The following PDIA5 variants were observed in gnomAD, a reference collection of about 807,000 sequenced individuals.
The protein encoded by PDIA5 is protein disulfide-isomerase A5.
A neutral mutation model predicts 77.6 loss-of-function variants in PDIA5; 58 were observed. The ratio of observed to expected loss-of-function variants is 0.75; its 90% CI spans 0.61 to 0.93. PDIA5 has a LOEUF of 0.93. PDIA5 is among the 40% of genes least tolerant of loss of function. The probability of loss-of-function intolerance (pLI) is 0.00; values close to 1 mark genes in which losing one functional copy is unlikely to be tolerated. For synonymous variants in PDIA5, 250 were observed against 252.1 expected (o/e 0.99, Z 0.08); for missense variants, 630 against 647.7 (o/e 0.97, Z 0.30).
intron 11 of PDIA5, among the ~76,000 whole-genome samples, chr3:123,141,454 G>T (rs1368589330): frequency 5.3e-5 from 8 of 152,204 alleles, no homozygotes; most frequent in Non-Finnish European, 1.2e-4. Flanking sequence ...ACTTTGCATG[G>T]ACCACTCACA....
chr3:123,122,461 A>G lies in PDIA5; in HGVS notation c.610-1605A>G, dbSNP rs2107955751. On this transcript the variant is annotated intron_variant, in intron 8 of 16. Transcript: ENST00000316218. ...TGGGCTAGGAAAAAAAAAACAGTGA[A>G]TTTAGTGAGCATTTATTGTGTCCTT... is the stretch of plus-strand genomic sequence containing the variant. 2.0e-5 allele frequency among the ~76,000 whole-genome samples: 3 copies of G among 152,276 alleles called. No homozygotes were observed. In the South Asian group the frequency reaches 6.2e-4, roughly 32 times the overall value.
At chr3:123,102,298 A>G (rs1340058885) in intron 3 of PDIA5, 113 bp from the exon 4 acceptor site, 2 of 767,798 alleles carry the variant, frequency 2.6e-6, no homozygotes, top group East Asian at 5.2e-5. Context: ...TTCATCTGCT[A>G]TTGAGAATTC....
At chr3:123,106,120 G>A (rs920142000) in intron 5 of PDIA5, among the ~76,000 whole-genome samples, 5 of 152,230 alleles carry the variant, frequency 3.3e-5, no homozygotes, top group African/African-American at 7.2e-5. Flanking sequence ...GAGAAGTATA[G>A]CAACAAGGGT....
At chr3:123,076,387 A>G (rs898143842) in intron 1 of PDIA5, among the ~76,000 whole-genome samples, 1 of 152,190 alleles carries the variant, frequency 6.6e-6, no homozygotes. Flanking sequence ...AACTCCTGCA[A>G]GAACAGTTAT....
chr3:123,073,340 C>T (rs991477771), intron 1 of PDIA5, among the ~76,000 whole-genome samples: 1 of 152,162 alleles, frequency 6.6e-6, no homozygotes, highest in Non-Finnish European at 1.5e-5. Flanking sequence ...AGGTGGGGAC[C>T]ACAGTCAGAG....
intron 15 of PDIA5, among the ~76,000 whole-genome samples, chr3:123,156,238 G>A (rs925894553): frequency 1.3e-5 from 2 of 152,176 alleles, no homozygotes; most frequent in African/African-American, 2.4e-5. Flanking sequence ...GCAGAGTGGG[G>A]ATGAACTGGG....
intron 8 of PDIA5, among the ~76,000 whole-genome samples, chr3:123,117,374 T>TTTTATA (rs1553800660): frequency 1.3e-5 from 1 of 79,872 alleles, no homozygotes; most frequent in Non-Finnish European, 2.4e-5. Flanking sequence ...TTCTATGATT[T>TTTTATA]TATATATATA....
intron 15 of PDIA5, 32 bp from the exon 16 acceptor site, chr3:123,161,289 C>A: frequency 6.2e-7 from 1 of 1,607,952 alleles, no homozygotes; most frequent in Non-Finnish European, 8.5e-7. Context: ...CTGGGGACAC[C>A]CTGTGCCAAC....
intron 7 of PDIA5, among the ~76,000 whole-genome samples, chr3:123,112,872 T>C (rs571393761): frequency 2.0e-5 from 3 of 152,004 alleles, no homozygotes; most frequent in Non-Finnish European, 4.4e-5. Context: ...CCAAGCCCTG[T>C]TTTGATTGCT....
intron 8 of PDIA5, 33 bp from the exon 9 acceptor site, chr3:123,124,033 G>C: frequency 7.1e-7 from 1 of 1,405,232 alleles, no homozygotes; most frequent in Non-Finnish European, 1.0e-6. Context: ...GTGGGGCACA[G>C]GCTCCACACG....
intron 3 of PDIA5, 51 bp from the exon 4 acceptor site, chr3:123,102,360 C>T: frequency 6.9e-7 from 1 of 1,457,242 alleles, no homozygotes; most frequent in East Asian, 2.3e-5. Context: ...CTGTCAACAC[C>T]TTTGTGAGGA....
At chr3:123,129,621 C>T (rs702030) in intron 10 of PDIA5, among the ~76,000 whole-genome samples, 24,634 of 152,232 alleles carry the variant, frequency 0.16, 2,157 homozygotes, top group Middle Eastern at 0.23. Flanking sequence ...GTAGTTGTGA[C>T]AGTAAAGCAG....
chr3:123,116,166 G>C, intron 7 of PDIA5, 65 bp from the exon 8 acceptor site: 1 of 1,332,538 alleles, frequency 7.5e-7, no homozygotes. Context: ...TGGGGAGGCA[G>C]GGCAGGGTGC....
chr3:123,081,657 A>G (rs1023404569), intron 1 of PDIA5, among the ~76,000 whole-genome samples: 13 of 152,290 alleles, frequency 8.5e-5, no homozygotes, highest in African/African-American at 2.2e-4. Context: ...TTTTTCCTCA[A>G]TGTTAAACTT....
At chr3:123,157,298 C>T (rs1276918130) in intron 15 of PDIA5, among the ~76,000 whole-genome samples, 3 of 152,224 alleles carry the variant, frequency 2.0e-5, no homozygotes, top group Non-Finnish European at 4.4e-5. Flanking sequence ...GTGCTCCAGG[C>T]ATGGCACTGT....
At chr3:123,088,335 T>G (rs1436423433) in intron 1 of PDIA5, among the ~76,000 whole-genome samples, 2 of 152,164 alleles carry the variant, frequency 1.3e-5, no homozygotes, top group African/African-American at 2.4e-5. Context: ...CAGGGTTCTC[T>G]GGGGGAGAAT....
At chr3:123,091,076 C>G (rs967363607) in intron 2 of PDIA5, among the ~76,000 whole-genome samples, 1 of 152,148 alleles carries the variant, frequency 6.6e-6, no homozygotes, top group Non-Finnish European at 1.5e-5. Context: ...ATTTCTCCCC[C>G]TCCCCTGCTT....
chr3:123,124,996 C>A (rs1689478891), intron 10 of PDIA5, among the ~76,000 whole-genome samples: 1 of 152,176 alleles, frequency 6.6e-6, no homozygotes, highest in South Asian at 2.1e-4. Context: ...CAAACCCCAC[C>A]ACCCTGTTGG....
chr3:123,141,662 G>A (rs536179592), intron 11 of PDIA5, among the ~76,000 whole-genome samples: 17 of 152,350 alleles, frequency 1.1e-4, no homozygotes, highest in Middle Eastern at 3.4e-3. Context: ...GGTTGCCCCC[G>A]GGGCAGGGAG....
Sources: gnomAD v4.1 joint callset for allele counts (sites outside exome capture counted in the v4.1 genomes callset) on GRCh38, gnomAD v4.1.1 for gene constraint, MANE v1.5 for transcripts, NCBI Gene and HGNC (gene_info 2026-07-23, HGNC 2026-07-21) for gene names.